The following COQ8B variants were observed in gnomAD, a reference collection of about 807,000 sequenced individuals.
The protein encoded by COQ8B is atypical kinase COQ8B, mitochondrial.
In COQ8B, 44 loss-of-function variants were observed where a neutral mutation model predicts 62.0. That is an observed-to-expected ratio of 0.71 (90% CI 0.56 to 0.91). The LOEUF is 0.91. Among genes scored for constraint, COQ8B ranks in the 40% least tolerant of loss-of-function variants. The probability of loss-of-function intolerance (pLI) is 0.00; values close to 1 mark genes in which losing one functional copy is unlikely to be tolerated. For missense variants in COQ8B, 649 were observed against 731.6 expected, an observed-to-expected ratio of 0.89 and a Z score of 1.30; for synonymous variants, 252 against 289.9, an observed-to-expected ratio of 0.87 and a Z score of 1.33.
intron 1 of COQ8B, chr19:40,715,361 C>T (rs2082178041): frequency 3.0e-6 from 3 of 985,650 alleles, no homozygotes; most frequent in Non-Finnish European, 3.6e-6. Context: ...CCTTCTGTTC[C>T]CTACACTTTC....
chr19:40,694,399 A>C (rs1599924606), intron 13 of COQ8B, among the ~76,000 whole-genome samples: 1 of 152,158 alleles, frequency 6.6e-6, no homozygotes, highest in African/African-American at 2.4e-5. Flanking sequence ...TCCGCAGGGC[A>C]CCTGGATACA....
At chr19:40,696,660 G>A (rs868832214) in intron 12 of COQ8B, among the ~76,000 whole-genome samples, 5 of 136,484 alleles carry the variant, frequency 3.7e-5, no homozygotes, top group South Asian at 2.2e-4. Flanking sequence ...GTGAGACTCC[G>A]TCTCAAAAAA....
Position 40,705,349 on chromosome 19 carries a change from C to A in COQ8B, c.466G>T (p.Val156Phe), listed in dbSNP as rs1343587357. The change falls in exon 6 of 15, where the codon GTT becomes TTT. Residue 156 changes from valine (V) to phenylalanine (F), a missense_variant. Coordinates refer to ENST00000324464, the MANE Select transcript of COQ8B (RefSeq NM_024876.4). ...CCCTGGATGCTGAGCATCTGGCCAA[C>A]CTTGAGGGCGGCCCCTCGAACTGTA... is the stretch of plus-strand genomic sequence containing the variant. The part of the protein sequence containing the change: ...LCTVRGAALK[V>F]GQMLSIQDNS... 6 of 1,596,372 alleles carry A rather than the reference C, an allele frequency of 3.8e-6. No homozygotes were observed. In the Admixed American group the frequency reaches 5.1e-5, roughly 13 times the overall value.
At position 40,691,641 on chromosome 19, in the gene COQ8B, G is replaced by T. The variant is rs1202907389; in HGVS notation, c.*394C>A. The T allele has an allele frequency of 6.0e-6, 1 of 165,462 alleles. No homozygotes were observed. Among genetic ancestry groups the T allele is most frequent in the East Asian group, 1.7e-4 (1 of 5,954 alleles). The allele number at this position is 165,462 out of a possible 1,614,324, so 10.2% of individuals were successfully genotyped here. A position where few individuals can be genotyped will look rare whatever the true frequency, so the allele number is the denominator to read the frequency against. Reference sequence around the variant, plus strand: ...AACCCGGGAGAAGGCAGCTGTTGGAGGAGCGAGGGAGGCAGAGGTGAGGAC... The same window carrying T: ...AACCCGGGAGAAGGCAGCTGTTGGATGAGCGAGGGAGGCAGAGGTGAGGAC... On this transcript the variant is annotated 3_prime_UTR_variant, in exon 15 of 15. Coordinates refer to ENST00000324464, the MANE Select transcript of COQ8B (RefSeq NM_024876.4).
At chr19:40,698,744 G>T (rs1345567385) in intron 12 of COQ8B, among the ~76,000 whole-genome samples, 1 of 152,166 alleles carries the variant, frequency 6.6e-6, no homozygotes, top group Non-Finnish European at 1.5e-5. Context: ...ACTTGATTCT[G>T]AGGGGGCTGT....
At position 40,705,027 on chromosome 19, in the gene COQ8B, A is replaced by G; in HGVS notation, c.576+69T>C. 3 of 1,426,252 alleles carry G rather than the reference A, an allele frequency of 2.1e-6. No individual in the cohort carries two copies. In the South Asian group the frequency reaches 3.9e-5, roughly 19 times the overall value. The allele number at this position is 1,426,252 out of a possible 1,614,324, so 88.3% of individuals were successfully genotyped here. On this transcript the variant is annotated intron_variant, in intron 7 of 14. Coordinates refer to ENST00000324464, the MANE Select transcript of COQ8B (RefSeq NM_024876.4). ...AGGCAGGGAGTGGGGCAGTGAAGCC[A>G]GGAAGGTCAGGCAGGTCAGAGGAGA...
chr19:40,694,317 G>T (rs2081996965), intron 13 of COQ8B, among the ~76,000 whole-genome samples: 2 of 152,194 alleles, frequency 1.3e-5, no homozygotes. Flanking sequence ...CAGGCTTAGA[G>T]ACCACTTCTT....
In COQ8B at chr19:40,705,325, C is replaced by A. The variant is rs767542746; in HGVS notation, c.490G>T (p.Asp164Tyr). 9.4e-6 allele frequency: 15 copies of A among 1,590,720 alleles called. No individual in the cohort carries two copies. Among genetic ancestry groups the A allele is most frequent in the Non-Finnish European group, 1.3e-5 (15 of 1,163,176 alleles). The change falls in exon 6 of 15, where the codon GAC (aspartate) becomes TAC (tyrosine). Residue 164 changes from aspartate (D) to tyrosine (Y), a missense_variant and splice_region_variant. By Grantham distance (160) the Asp-to-Tyr change is radical. Transcript: ENST00000324464. The stretch of plus-strand genomic sequence containing the variant: ...TCAGGAGTCGAGGGTCATGCTGTAC[C>A]CTGGATGCTGAGCATCTGGCCAACC... ...LKVGQMLSIQ[D>Y]NSFISPQLQH...
At chr19:40,703,675 C>T in intron 8 of COQ8B, 40 bp downstream of exon 8, 3 of 1,613,868 alleles carry the variant, frequency 1.9e-6, no homozygotes, top group Non-Finnish European at 2.5e-6. Flanking sequence ...TCTGGGCTAG[C>T]AGGGTGCCCG....
At chr19:40,714,000 G>A (rs916328152) in intron 4 of COQ8B, 67 bp downstream of exon 4, 5 of 1,529,340 alleles carry the variant, frequency 3.3e-6, no homozygotes, top group Non-Finnish European at 4.5e-6. Context: ...CCTCTCCCTT[G>A]CTTCAATCTG....
intron 12 of COQ8B, 38 bp downstream of exon 12, chr19:40,700,029 C>G (rs747299492): frequency 1.3e-6 from 2 of 1,570,924 alleles, no homozygotes; most frequent in African/African-American, 2.7e-5. Context: ...TTTGTTACAA[C>G]AGCAAATGTA....
Position 40,705,095 on chromosome 19 carries a change from C to T in COQ8B, c.576+1G>A, listed in dbSNP as rs765245063. The stretch of plus-strand genomic sequence containing the variant: ...ACCGCCCTCCCCCACTGGGCACTCA[C>T]CAGCATCTGCCAGCGGGGCATGAAG... On this transcript the variant is annotated splice_donor_variant, in intron 7 of 14. Coordinates refer to ENST00000324464, the MANE Select transcript of COQ8B (RefSeq NM_024876.4). LOFTEE classifies it high-confidence loss of function. The T allele has an allele frequency of 1.9e-6, 3 of 1,605,270 alleles. No individual in the cohort carries two copies. Among genetic ancestry groups the T allele is most frequent in the Non-Finnish European group, 2.6e-6 (3 of 1,176,194 alleles).
At chr19:40,694,271 C>T (rs2081996656) in intron 13 of COQ8B, among the ~76,000 whole-genome samples, 1 of 152,228 alleles carries the variant, frequency 6.6e-6, no homozygotes, top group African/African-American at 2.4e-5. Context: ...AGCCACCCCT[C>T]TGCCCCTCTC....
At chr19:40,715,595 C>A in intron 1 of COQ8B, 1 of 985,620 alleles carries the variant, frequency 1.0e-6, no homozygotes, top group Non-Finnish European at 1.2e-6. Flanking sequence ...GCCTTGCTTG[C>A]CAACTGTTTC....
intron 5 of COQ8B, among the ~76,000 whole-genome samples, chr19:40,709,133 G>C (rs1484509321): frequency 6.6e-6 from 1 of 152,108 alleles, no homozygotes; most frequent in Non-Finnish European, 1.5e-5. Context: ...GCTTTGCTAA[G>C]AATAAGGATA....
chr19:40,715,213 G>C (rs1053382470), intron 1 of COQ8B: 32 of 983,690 alleles, frequency 3.3e-5, no homozygotes, highest in Admixed American at 6.1e-5. Flanking sequence ...AGGGGCCAGA[G>C]AGAGGCCCTA....
At position 40,700,184 on chromosome 19, in the gene COQ8B, G is replaced by A; in HGVS notation, c.1036-10C>T. ...GGAGCTGGAAGCAAATCTGGGGTGG[G>A]GAGAATTAACAGGCATCTCAGTGTG... On this transcript the variant is annotated splice_polypyrimidine_tract_variant and intron_variant, in intron 11 of 14. Coordinates refer to ENST00000324464, the MANE Select transcript of COQ8B (RefSeq NM_024876.4). 2 of 1,614,134 alleles carry A rather than the reference G, an allele frequency of 1.2e-6. No homozygotes were observed. Among genetic ancestry groups the A allele is most frequent in the Non-Finnish European group, 1.7e-6 (2 of 1,179,984 alleles).
At chr19:40,707,038 G>C (rs907341514) in intron 5 of COQ8B, among the ~76,000 whole-genome samples, 1 of 152,074 alleles carries the variant, frequency 6.6e-6, no homozygotes, top group Non-Finnish European at 1.5e-5. Context: ...TTGGGACGTC[G>C]GGGCGGGATC....
intron 5 of COQ8B, among the ~76,000 whole-genome samples, chr19:40,706,284 G>A (rs1047087245): frequency 9.9e-5 from 15 of 152,262 alleles, no homozygotes; most frequent in Middle Eastern, 3.4e-3. Flanking sequence ...CATTCAGAGG[G>A]GTCTGAGAGA....
Sources: gnomAD v4.1 joint callset for allele counts (sites outside exome capture counted in the v4.1 genomes callset) on GRCh38, gnomAD v4.1.1 for gene constraint, MANE v1.5 for transcripts, NCBI Gene and HGNC (gene_info 2026-07-23, HGNC 2026-07-21) for gene names.